Variants in RELN observed in about 807,000 individuals in gnomAD.
RELN encodes the protein reelin.
Under a neutral mutation model 427.6 loss-of-function variants are expected in RELN, and 108 were observed. The observed-to-expected ratio is 0.25, with a 90% confidence interval of 0.22 to 0.30. The LOEUF (loss-of-function observed/expected upper bound fraction) is 0.30, where lower values mean the gene tolerates loss of function less well. RELN is among the 10% of genes least tolerant of loss of function. The pLI is 1.00. For synonymous variants in RELN, 1,524 were observed against 1,513.4 expected (o/e 1.01, Z -0.16); for missense variants, 3,715 against 4,302.8 (o/e 0.86, Z 3.82).
chr7:103,506,021 T>G (rs4729918), intron 51 of RELN, among the ~76,000 whole-genome samples: 36,344 of 151,916 alleles, frequency 0.24, 4,585 homozygotes, highest in East Asian at 0.46. Flanking sequence ...TGAAATAAAG[T>G]GGGAAGACAA....
rs1833139786 is a variant in RELN, at chr7:103,661,470, T to C, written c.1347A>G (p.Leu449=). The C allele has an allele frequency of 1.2e-5, 20 of 1,613,766 alleles. No homozygotes were observed. The highest frequency in any genetic ancestry group is 1.7e-5 in the Non-Finnish European group (20 of 1,179,800). ...CTCCATCTTTGAGGAAGACCATTGA[T>C]AAGCCTGATTCTATCGTTCCACATT... ...GTECGTIESG[L]SMVFLKDGER... is the part of the protein sequence containing the mutation. The change falls in exon 12 of 65, where the codon TTA becomes TTG. Residue 449 remains leucine (L), a synonymous_variant. Coordinates refer to ENST00000428762, the MANE Select transcript of RELN (RefSeq NM_005045.4).
At chr7:103,754,177 A>C (rs557098010) in intron 4 of RELN, among the ~76,000 whole-genome samples, 2 of 152,218 alleles carry the variant, frequency 1.3e-5, no homozygotes, top group East Asian at 3.9e-4. Context: ...GATTTAGTAC[A>C]CAAAATGTAA....
chr7:103,764,316 G>A (rs552160940), intron 4 of RELN, among the ~76,000 whole-genome samples: 1 of 152,186 alleles, frequency 6.6e-6, no homozygotes, highest in African/African-American at 2.4e-5. Context: ...TGGCCAAAAA[G>A]GTTGATACTA....
At chr7:103,805,483 T>C (rs1792576174) in intron 3 of RELN, among the ~76,000 whole-genome samples, 1 of 152,140 alleles carries the variant, frequency 6.6e-6, no homozygotes, top group Non-Finnish European at 1.5e-5. Flanking sequence ...AACTCTGTTT[T>C]CAATGTTCTA....
intron 52 of RELN, 58 bp from the exon 53 acceptor site, chr7:103,500,980 A>G (rs959824499): frequency 2.0e-6 from 3 of 1,465,506 alleles, no homozygotes; most frequent in Non-Finnish European, 2.9e-6. Context: ...ATTTAGGTCC[A>G]TTGTCCTGCA....
At chr7:103,790,248 G>A (rs1056092745) in intron 3 of RELN, among the ~76,000 whole-genome samples, 2 of 152,054 alleles carry the variant, frequency 1.3e-5, no homozygotes, top group African/African-American at 2.4e-5. Flanking sequence ...ATGGGTTGAC[G>A]AGTGCAGCAA....
chr7:103,973,208 A>G (rs1251849540), intron 1 of RELN, among the ~76,000 whole-genome samples: 1 of 152,236 alleles, frequency 6.6e-6, no homozygotes, highest in Non-Finnish European at 1.5e-5. Flanking sequence ...CGTTTCTAAC[A>G]GTGGCTGGAA....
chr7:103,699,032 T>C (rs1012355709), intron 9 of RELN, among the ~76,000 whole-genome samples: 1 of 152,188 alleles, frequency 6.6e-6, no homozygotes, highest in Admixed American at 6.5e-5. Flanking sequence ...AAACATGATA[T>C]AACATGATTT....
intron 1 of RELN, among the ~76,000 whole-genome samples, chr7:103,923,252 T>C (rs758007957): frequency 7.9e-5 from 12 of 152,204 alleles, no homozygotes; most frequent in Non-Finnish European, 1.3e-4. Context: ...GTTCAACTAC[T>C]GATTCTTCCT....
In RELN at chr7:103,629,956, G is replaced by A. The variant is rs1562930401; in HGVS notation, c.2686C>T (p.His896Tyr). The change falls in exon 20 of 65, where the codon CAC becomes TAC. Residue 896 changes from histidine (H) to tyrosine (Y), a missense_variant. By Grantham distance (83) the His-to-Tyr change is moderately conservative (BLOSUM62 2). Coordinates refer to ENST00000428762, the MANE Select transcript of RELN (RefSeq NM_005045.4). ...AATCCTTACCAAAGGGTCCAGTCGT[G>A]GCCACAGTATGGCTGAACATTTCCA... Reference protein sequence around the residue: ...YLGNVQPYCGHDWTLCFTGDS... With the variant: ...YLGNVQPYCGYDWTLCFTGDS... 1.0e-5 allele frequency: 16 copies of A among 1,606,506 alleles called. No homozygotes were observed. The highest frequency in any genetic ancestry group is 1.4e-5 in the Non-Finnish European group (16 of 1,173,212).
chr7:103,820,066 T>TTCAA (rs1312579211), intron 3 of RELN, among the ~76,000 whole-genome samples: 3 of 152,008 alleles, frequency 2.0e-5, no homozygotes, highest in African/African-American at 4.8e-5. Context: ...AACTATCCAT[T>TTCAA]TCAATGTATC....
At chr7:103,583,324 C>T (rs1831196813) in intron 28 of RELN, among the ~76,000 whole-genome samples, 2 of 152,156 alleles carry the variant, frequency 1.3e-5, no homozygotes, top group Admixed American at 6.5e-5. Context: ...CCAATTTCCC[C>T]TAAAAAAATC....
intron 36 of RELN, 50 bp from the exon 37 acceptor site, chr7:103,558,099 T>C: frequency 1.2e-6 from 1 of 865,948 alleles, no homozygotes; most frequent in Non-Finnish European, 2.0e-6. Context: ...CTTGCAAAAT[T>C]GTATCCCTTT....
rs759665968 is a variant in RELN, at chr7:103,542,771, G to A, written c.6631C>T (p.Arg2211Cys). 2 of 1,613,922 alleles carry A rather than the reference G, an allele frequency of 1.2e-6. No homozygotes were observed. The highest frequency in any genetic ancestry group is 2.2e-5 in the East Asian group (1 of 44,852). Residue 2211 changes from arginine to cysteine, a missense_variant, in exon 43 of 65, where the codon CGC becomes TGC. Transcript: ENST00000428762. Reference sequence around the variant, plus strand: ...TCCAGGTCTCGTGTCATCAACATGCGCAAGCCATCTTCATTGAAAAAGAGG... The same window carrying A: ...TCCAGGTCTCGTGTCATCAACATGCACAAGCCATCTTCATTGAAAAAGAGG... The part of the protein sequence containing the change: ...NNLFFNEDGL[R>C]MLMTRDLDLS...
chr7:103,550,346 T>C (rs751165102), intron 41 of RELN, among the ~76,000 whole-genome samples: 1 of 152,250 alleles, frequency 6.6e-6, no homozygotes, highest in Non-Finnish European at 1.5e-5. Context: ...ATATTAGTAC[T>C]TTCTTCTTTT....
chr7:103,529,309 T>G (rs1324121395), intron 46 of RELN, among the ~76,000 whole-genome samples: 2 of 152,194 alleles, frequency 1.3e-5, no homozygotes, highest in African/African-American at 4.8e-5. Flanking sequence ...ACCACCTGGG[T>G]TTCCAAAGTG....
At chr7:103,604,747 T>C (rs1196724839) in intron 22 of RELN, among the ~76,000 whole-genome samples, 1 of 152,178 alleles carries the variant, frequency 6.6e-6, no homozygotes, top group Non-Finnish European at 1.5e-5. Flanking sequence ...TCAGATTTTG[T>C]TGGTTGCACA....
intron 2 of RELN, among the ~76,000 whole-genome samples, chr7:103,841,726 G>A (rs1793556529): frequency 6.6e-6 from 1 of 152,116 alleles, no homozygotes; most frequent in Non-Finnish European, 1.5e-5. Flanking sequence ...ATGTACATAT[G>A]TTCATAAAAA....
chr7:103,618,387 A>G (rs943782351), intron 20 of RELN, among the ~76,000 whole-genome samples: 1 of 150,044 alleles, frequency 6.7e-6, no homozygotes, highest in African/African-American at 2.5e-5. Context: ...TTCTGTGTAG[A>G]AGAGGCAGAA....
Sources: gnomAD v4.1 joint callset for allele counts (sites outside exome capture counted in the v4.1 genomes callset) on GRCh38, gnomAD v4.1.1 for gene constraint, MANE v1.5 for transcripts, NCBI Gene and HGNC (gene_info 2026-07-23, HGNC 2026-07-21) for gene names.